The following TESK2 variants were observed in gnomAD, a reference collection of about 807,000 sequenced individuals.
The protein encoded by TESK2 is dual specificity testis-specific protein kinase 2.
A neutral mutation model predicts 57.1 loss-of-function variants in TESK2; 39 were observed. The observed-to-expected ratio is 0.68, with a 90% CI of 0.53 to 0.89. The LOEUF is 0.89. Ranked by LOEUF, TESK2 falls within the 40% of genes least tolerant of loss-of-function variation. The pLI, the probability that TESK2 is intolerant of heterozygous loss-of-function variation, is 0.00. For synonymous variants in TESK2, 249 were observed against 267.9 expected (o/e 0.93, Z 0.69); for missense variants, 646 against 732.1 (o/e 0.88, Z 1.36).
At chr1:45,458,043 A>G (rs1182170002) in intron 1 of TESK2, among the ~76,000 whole-genome samples, 172 bp from the exon 2 acceptor site, 1 of 152,234 alleles carries the variant, frequency 6.6e-6, no homozygotes, top group African/African-American at 2.4e-5. Context: ...AAAGCCCAAG[A>G]TATAGTCAGT....
intron 3 of TESK2, among the ~76,000 whole-genome samples, chr1:45,400,719 T>C (rs1649561069): frequency 6.6e-6 from 1 of 152,118 alleles, no homozygotes; most frequent in African/African-American, 2.4e-5. Flanking sequence ...CTTTATTACC[T>C]AAACAAAGAA....
At chr1:45,368,183 A>G (rs113653719) in intron 4 of TESK2, among the ~76,000 whole-genome samples, 10,238 of 137,346 alleles carry the variant, frequency 0.075, 1,207 homozygotes, top group African/African-American at 0.26. Context: ...TTTAATAGAG[A>G]TGGGTTTCAC....
At chr1:45,453,547 T>A (rs1651960587) in intron 2 of TESK2, among the ~76,000 whole-genome samples, 1 of 152,092 alleles carries the variant, frequency 6.6e-6, no homozygotes, top group Non-Finnish European at 1.5e-5. Flanking sequence ...TAACTTAAAA[T>A]GATCAATAAC....
At chr1:45,361,895 T>G (rs964790964) in intron 4 of TESK2, among the ~76,000 whole-genome samples, 6 of 152,112 alleles carry the variant, frequency 3.9e-5, no homozygotes, top group African/African-American at 1.2e-4. Flanking sequence ...CCCAGCACTT[T>G]GAGAAGCTGA....
At chr1:45,459,131 C>G (rs983483742) in intron 1 of TESK2, among the ~76,000 whole-genome samples, 6 of 152,190 alleles carry the variant, frequency 3.9e-5, no homozygotes, top group Non-Finnish European at 1.5e-5. Flanking sequence ...GTGTGTACAA[C>G]CACAGTTTCT....
intron 1 of TESK2, among the ~76,000 whole-genome samples, chr1:45,469,333 C>T (rs1652676046): frequency 1.3e-5 from 2 of 152,192 alleles, no homozygotes; most frequent in Non-Finnish European, 2.9e-5. Context: ...ATAACTGCAG[C>T]CACTATTTAC....
At chr1:45,479,735 T>C (rs780804148) in intron 1 of TESK2, among the ~76,000 whole-genome samples, 41 of 152,088 alleles carry the variant, frequency 2.7e-4, no homozygotes, top group Non-Finnish European at 4.7e-4. Context: ...ACAGAGCATT[T>C]TGATCTTCAC....
intron 1 of TESK2, among the ~76,000 whole-genome samples, chr1:45,490,573 G>A (rs1230609774): frequency 6.6e-6 from 1 of 152,126 alleles, no homozygotes; most frequent in African/African-American, 2.4e-5. Context: ...GAAAACGAAA[G>A]ATCCCTAATG....
chr1:45,357,593 G>T (rs976791710), intron 4 of TESK2, among the ~76,000 whole-genome samples: 1 of 151,700 alleles, frequency 6.6e-6, no homozygotes, highest in Non-Finnish European at 1.5e-5. Flanking sequence ...AGTGAATAAG[G>T]CTGGGCACGG....
chr1:45,458,739 A>T (rs983515111), intron 1 of TESK2, among the ~76,000 whole-genome samples: 2 of 151,892 alleles, frequency 1.3e-5, no homozygotes, highest in Non-Finnish European at 2.9e-5. Flanking sequence ...TATAATTTTT[A>T]AAAAAGAAAA....
intron 1 of TESK2, among the ~76,000 whole-genome samples, chr1:45,480,136 C>CT (rs1160452628): frequency 3.3e-5 from 5 of 150,248 alleles, no homozygotes; most frequent in Admixed American, 2.0e-4. Flanking sequence ...GCTCTTCTAT[C>CT]TTTTTTACTC....
intron 1 of TESK2, among the ~76,000 whole-genome samples, chr1:45,459,329 TC>T (rs1471501625): frequency 8.5e-5 from 13 of 152,186 alleles, no homozygotes; most frequent in African/African-American, 3.1e-4. Flanking sequence ...CTTTTTGAAT[TC>T]CCTATTCTGC....
intron 3 of TESK2, among the ~76,000 whole-genome samples, chr1:45,402,080 T>TAA (rs1557559028): frequency 2.3e-5 from 3 of 132,272 alleles, no homozygotes; most frequent in African/African-American, 8.5e-5. Context: ...CTAATAACCA[T>TAA]TAAAAAAAAA....
chr1:45,454,316 G>T (rs1309635722), intron 2 of TESK2, among the ~76,000 whole-genome samples: 2 of 152,064 alleles, frequency 1.3e-5, no homozygotes, highest in Non-Finnish European at 1.5e-5. Context: ...AAATGAAAAA[G>T]TTCTGGAGTT....
chr1:45,442,956 T>C (rs1390301992), intron 2 of TESK2, among the ~76,000 whole-genome samples: 1 of 152,200 alleles, frequency 6.6e-6, no homozygotes, highest in African/African-American at 2.4e-5. Flanking sequence ...TGGCTAATTT[T>C]AGTATTTTTA....
In TESK2 at chr1:45,402,656, A is replaced by G. The variant is rs147484190; in HGVS notation, c.345-16696T>C. Among the ~76,000 whole-genome samples, 548 of 151,836 alleles carry G rather than the reference A, an allele frequency of 3.6e-3. 4 individuals carry two copies. The highest frequency in any genetic ancestry group is 0.012 in the African/African-American group (496 of 41,428). On this transcript the variant is annotated intron_variant, in intron 3 of 10. Transcript: ENST00000372086. ...CAGCACCACACCAAGCTAATTTTGT[A>G]TTTTTAGTAGAGATGGGGTTTCTCC...
chr1:45,424,313 AG>A (rs1650598876), intron 2 of TESK2, among the ~76,000 whole-genome samples: 1 of 152,188 alleles, frequency 6.6e-6, no homozygotes, highest in African/African-American at 2.4e-5. Flanking sequence ...AGAAGAGGGA[AG>A]GCTGTTGAGG....
intron 3 of TESK2, among the ~76,000 whole-genome samples, chr1:45,396,255 G>C (rs1410629661): frequency 6.6e-6 from 1 of 151,846 alleles, no homozygotes; most frequent in African/African-American, 2.4e-5. Context: ...CCCCATACCT[G>C]GCTAATTTTT....
At chr1:45,406,131 C>G (rs955559977) in intron 3 of TESK2, among the ~76,000 whole-genome samples, 2 of 151,982 alleles carry the variant, frequency 1.3e-5, no homozygotes, top group Non-Finnish European at 1.5e-5. Flanking sequence ...ACTTGGCAGG[C>G]TGAGGCAGAA....
Sources: gnomAD v4.1 joint callset for allele counts (sites outside exome capture counted in the v4.1 genomes callset) on GRCh38, gnomAD v4.1.1 for gene constraint, MANE v1.5 for transcripts, NCBI Gene and HGNC (gene_info 2026-07-23, HGNC 2026-07-21) for gene names.